The following CNTLN variants were observed in gnomAD, a reference collection of about 807,000 sequenced individuals.
CNTLN encodes centlein.
In CNTLN, 212 loss-of-function variants were observed where a neutral mutation model predicts 180.0. The ratio of observed to expected loss-of-function variants is 1.18; its 90% CI spans 1.05 to 1.32. CNTLN has a LOEUF of 1.32. CNTLN is among the 40% of genes most tolerant of loss of function. CNTLN has a pLI of 0.00. For missense variants in CNTLN, 2,095 were observed against 1,610.9 expected (o/e 1.30, Z -5.14); for synonymous variants, 722 against 563.1 (o/e 1.28, Z -3.99).
intron 24 of CNTLN, among the ~76,000 whole-genome samples, chr9:17,486,424 T>C (rs865883995): frequency 6.6e-5 from 10 of 152,148 alleles, no homozygotes; most frequent in African/African-American, 2.4e-4. Flanking sequence ...TCCAGAAATA[T>C]TCTGTCATGA....
At chr9:17,230,572 C>T (rs1443440311) in intron 3 of CNTLN, among the ~76,000 whole-genome samples, 1 of 151,818 alleles carries the variant, frequency 6.6e-6, no homozygotes, top group Admixed American at 6.6e-5. Context: ...GGGTATTTCC[C>T]TTTTCCAAGT....
At chr9:17,308,476 C>A (rs1267618196) in intron 7 of CNTLN, among the ~76,000 whole-genome samples, 2 of 152,022 alleles carry the variant, frequency 1.3e-5, no homozygotes, top group East Asian at 3.8e-4. Context: ...CTAAATTATA[C>A]TTAATAAGAA....
chr9:17,287,274 T>C (rs1270609987), intron 6 of CNTLN, among the ~76,000 whole-genome samples: 1 of 151,436 alleles, frequency 6.6e-6, no homozygotes, highest in African/African-American at 2.4e-5. Context: ...TCATGTGGTT[T>C]TTGTCTTTGG....
At chr9:17,367,015 A>C (rs1424948718) in intron 13 of CNTLN, among the ~76,000 whole-genome samples, 1 of 152,188 alleles carries the variant, frequency 6.6e-6, no homozygotes, top group Non-Finnish European at 1.5e-5. Context: ...CAAAAAAAAC[A>C]CCTACATAAG....
At chr9:17,257,259 G>A (rs1826575577) in intron 5 of CNTLN, among the ~76,000 whole-genome samples, 1 of 152,022 alleles carries the variant, frequency 6.6e-6, no homozygotes, top group Non-Finnish European at 1.5e-5. Flanking sequence ...AGTTTACTGA[G>A]AATGATGATT....
rs751639058 is a variant in CNTLN at position 17,394,788 on chromosome 9, G to T, written c.2334G>T (p.Val778=). 2 of 1,613,976 alleles carry T rather than the reference G, an allele frequency of 1.2e-6. No individual in the cohort carries two copies. The highest frequency in any genetic ancestry group is 3.3e-5 in the Admixed American group (2 of 59,980). ...ETEVTSLRRQ[V]AEANALRNEN... The stretch of plus-strand genomic sequence containing the variant: ...AAGTCACTTCCCTGAGGAGACAAGT[G>T]GCAGAAGCTAATGCATTGAGAAATG... The change falls in exon 15 of 26, where the codon GTG becomes GTT. Residue 778 remains valine, a synonymous_variant. Coordinates refer to ENST00000380647, the MANE Select transcript of CNTLN (RefSeq NM_017738.4).
chr9:17,351,822 C>G (rs745422885), intron 12 of CNTLN, among the ~76,000 whole-genome samples: 17 of 152,138 alleles, frequency 1.1e-4, no homozygotes, highest in Non-Finnish European at 2.5e-4. Flanking sequence ...CTTTAAGTAT[C>G]TTTCCATTGC....
Position 17,445,952 on chromosome 9 carries a change from G to A in CNTLN, c.3115-11572G>A, listed in dbSNP as rs181955141. Among the ~76,000 whole-genome samples, 155 of 152,330 alleles carry A rather than the reference G, an allele frequency of 1.0e-3. 3 individuals carry two copies. In the East Asian group the frequency reaches 0.025, roughly 25 times the overall value. ...GGGAAAAACCGCCTTAGGGCTGGAG[G>A]TGGGACCTGCGGGCAGCAATACTGC... On this transcript the variant is annotated intron_variant, in intron 18 of 25. Transcript: ENST00000380647.
chr9:17,394,473 G>T lies in CNTLN; in HGVS notation c.2080-61G>T, dbSNP rs996111380. ...ATTTTTATTTCATAAGTTAGAAATG[G>T]TAATAAAGTATAGTAGATTATGGTT... On this transcript the variant is annotated intron_variant, in intron 14 of 25. Coordinates refer to ENST00000380647, the MANE Select transcript of CNTLN (RefSeq NM_017738.4). The T allele has an allele frequency of 2.3e-5, 26 of 1,121,632 alleles. No homozygotes were observed. In the East Asian group the frequency reaches 2.8e-4, roughly 12 times the overall value. 69.5% of individuals were successfully genotyped at this position (1,121,632 alleles called of 1,614,324 possible).
chr9:17,509,214 G>A, the CNTLN span, among the ~76,000 whole-genome samples: 121,157 of 152,130 alleles, frequency 0.8, 48,542 homozygotes, highest in East Asian at 0.97. Context: ...CAATCTTTCA[G>A]TAGCACAGAC....
intron 2 of CNTLN, among the ~76,000 whole-genome samples, chr9:17,174,706 A>G (rs1201460586): frequency 4.6e-5 from 7 of 151,986 alleles, no homozygotes; most frequent in Admixed American, 4.6e-4. Context: ...AGGAAAAAAA[A>G]AAAAAAAAGA....
intron 15 of CNTLN, among the ~76,000 whole-genome samples, chr9:17,403,443 T>C (rs113670985): frequency 0.012 from 1,825 of 151,664 alleles, 76 homozygotes; most frequent in African/African-American, 0.042. Context: ...AAAAGACCAA[T>C]TGCAAATCCC....
At chr9:17,225,273 AC>A (rs1295826371) in intron 2 of CNTLN, among the ~76,000 whole-genome samples, 2 of 151,996 alleles carry the variant, frequency 1.3e-5, no homozygotes, top group Non-Finnish European at 2.9e-5. Flanking sequence ...GCTTCTGCAT[AC>A]TGGGTAAGGC....
Position 17,366,603 on chromosome 9 carries a change from T to C in CNTLN, c.1887-14T>C. 7.7e-7 allele frequency: 1 copy of C among 1,302,750 alleles called. No individual in the cohort carries two copies. Among genetic ancestry groups the C allele is most frequent in the Non-Finnish European group, 1.1e-6 (1 of 910,278 alleles). The allele number at this position is 1,302,750 out of a possible 1,614,324, so 80.7% of individuals were successfully genotyped here. A position where few individuals can be genotyped will look rare whatever the true frequency, so the allele number is the denominator to read the frequency against. On this transcript the variant is annotated splice_polypyrimidine_tract_variant and intron_variant, in intron 12 of 25. Transcript: ENST00000380647. ...CAATATGGTTTTAAGTAAATGTTTA[T>C]TGCTTTTTCATAGGATGAATCTTGA...
At position 17,143,297 on chromosome 9, in the gene CNTLN, G is replaced by T. The variant is rs1456302187; in HGVS notation, c.370G>T (p.Glu124Ter). The change falls in exon 2 of 26, where the codon GAA becomes TAA. Residue 124 changes from glutamate (E) to a stop codon, truncating the protein, a stop_gained. Coordinates refer to ENST00000380647, the MANE Select transcript of CNTLN (RefSeq NM_017738.4). LOFTEE classifies it high-confidence loss of function. The stretch of plus-strand genomic sequence containing the variant: ...CTTTTATTTCTTTAAGGCTGATAAA[G>T]AATTTGTATGGTCTTTGTGGAAACG... ...EELALCQADK[E>*]FVWSLWKRLQ... is the part of the protein sequence containing the mutation. 2 of 1,612,178 alleles carry T rather than the reference G, an allele frequency of 1.2e-6. No individual in the cohort carries two copies. The highest frequency in any genetic ancestry group is 2.2e-5 in the East Asian group (1 of 44,792).
chr9:17,268,962 GAACTCC>G (rs1263922686), intron 5 of CNTLN, among the ~76,000 whole-genome samples: 2 of 151,958 alleles, frequency 1.3e-5, no homozygotes, highest in African/African-American at 4.8e-5. Context: ...CTAGGAAAGG[GAACTCC>G]CTGACCCCTT....
intron 19 of CNTLN, among the ~76,000 whole-genome samples, chr9:17,458,367 T>G (rs535106769): frequency 1.1e-4 from 16 of 152,146 alleles, no homozygotes; most frequent in African/African-American, 3.8e-4. Context: ...TTCATGCTTC[T>G]TAAGCCCATT....
At chr9:17,335,121 T>C (rs372797035) in intron 10 of CNTLN, among the ~76,000 whole-genome samples, 31 of 152,272 alleles carry the variant, frequency 2.0e-4, no homozygotes, top group African/African-American at 6.5e-4. Flanking sequence ...TTTTATTCTA[T>C]TGAGGTTTTC....
intron 18 of CNTLN, among the ~76,000 whole-genome samples, chr9:17,419,907 TGTA>T (rs1440099530): frequency 6.6e-5 from 10 of 152,186 alleles, no homozygotes; most frequent in African/African-American, 2.4e-4. Context: ...TTATTTTTAT[TGTA>T]GTATAGTTTT....
Sources: allele counts gnomAD v4.1 joint callset (sites outside exome capture counted in the v4.1 genomes callset), GRCh38; gene constraint gnomAD v4.1.1; transcripts MANE v1.5; gene names NCBI Gene and HGNC (gene_info 2026-07-23, HGNC 2026-07-21).